The following MRC1 variants were observed in gnomAD, a reference collection of about 807,000 sequenced individuals.
MRC1 encodes the protein macrophage mannose receptor 1.
A neutral mutation model predicts 102.9 loss-of-function variants in MRC1; 62 were observed. The ratio of observed to expected loss-of-function variants is 0.60; its 90% CI spans 0.49 to 0.74. The LOEUF is 0.74. Ranked by LOEUF, MRC1 falls within the 30% of genes least tolerant of loss-of-function variation. The probability of loss-of-function intolerance (pLI) is 0.00; values close to 1 mark genes in which losing one functional copy is unlikely to be tolerated. For synonymous variants in MRC1, 457 were observed against 298.4 expected, an observed-to-expected ratio of 1.53 and a Z score of -5.48; for missense variants, 1,237 against 862.8, an observed-to-expected ratio of 1.43 and a Z score of -5.43.
In MRC1 at chr10:17,898,021, T is replaced by C. The variant is rs1360998810; in HGVS notation, c.3251-13T>C. The C allele has an allele frequency of 2.6e-6, 2 of 780,840 alleles. No homozygotes were observed. The highest frequency in any genetic ancestry group is 4.8e-6 in the Non-Finnish European group (2 of 417,928). 48.4% of individuals were successfully genotyped at this position (780,840 alleles called of 1,614,324 possible). ...TTATTGATAATGCTAATGAAAATAATGTTTTTATCTAGACCCTTCCTTGAC... is the reference window on the plus strand; with the variant it reads ...TTATTGATAATGCTAATGAAAATAACGTTTTTATCTAGACCCTTCCTTGAC... On this transcript the variant is annotated splice_polypyrimidine_tract_variant and intron_variant, in intron 23 of 29. Coordinates refer to ENST00000569591, the MANE Select transcript of MRC1 (RefSeq NM_002438.4).
intron 7 of MRC1, among the ~76,000 whole-genome samples, chr10:17,852,638 GAT>G (rs1838933822): frequency 6.6e-6 from 1 of 152,184 alleles, no homozygotes; most frequent in Non-Finnish European, 1.5e-5. Context: ...AGCTTCATAA[GAT>G]AGAGCATAGT....
intron 1 of MRC1, among the ~76,000 whole-genome samples, chr10:17,817,548 G>C (rs1316051304): frequency 2.6e-5 from 4 of 152,072 alleles, no homozygotes; most frequent in Non-Finnish European, 5.9e-5. Flanking sequence ...CTGGCGTGTG[G>C]TCATTGTTTG....
At chr10:17,864,063 C>T (rs1035896998) in intron 11 of MRC1, among the ~76,000 whole-genome samples, 4,275 of 151,952 alleles carry the variant, frequency 0.028, 118 homozygotes, top group African/African-American at 0.07. Flanking sequence ...AGTGCAGTGG[C>T]GCCATCTTGG....
intron 21 of MRC1, among the ~76,000 whole-genome samples, chr10:17,884,979 G>A (rs1003594761): frequency 2.0e-5 from 3 of 152,262 alleles, no homozygotes; most frequent in Non-Finnish European, 4.4e-5. Context: ...CCACGACCCA[G>A]ATAGGGGCGC....
intron 3 of MRC1, among the ~76,000 whole-genome samples, chr10:17,828,055 C>T (rs1838508354): frequency 1.3e-5 from 2 of 152,084 alleles, no homozygotes; most frequent in Admixed American, 1.3e-4. Context: ...CCCAACATTC[C>T]CTCCATCAAG....
chr10:17,849,224 C>A (rs983525089), intron 6 of MRC1, among the ~76,000 whole-genome samples: 19 of 151,370 alleles, frequency 1.3e-4, no homozygotes, highest in African/African-American at 4.4e-4. Flanking sequence ...ACTGCTTGAG[C>A]CCAGGAGGTT....
chr10:17,846,431 T>C (rs1391821620), intron 6 of MRC1, among the ~76,000 whole-genome samples: 1 of 152,214 alleles, frequency 6.6e-6, no homozygotes, highest in Non-Finnish European at 1.5e-5. Flanking sequence ...AAACTGACAA[T>C]GTGGCATTCT....
At position 17,866,694 on chromosome 10, in the gene MRC1, C is replaced by G. The variant is rs993316960; in HGVS notation, c.1916C>G (p.Thr639Arg). The G allele has an allele frequency of 2.6e-6, 2 of 780,686 alleles. No individual in the cohort carries two copies. The highest frequency in any genetic ancestry group is 3.4e-5 in the Admixed American group (2 of 59,016). 48.4% of individuals were successfully genotyped at this position (780,686 alleles called of 1,614,324 possible). Residue 639 changes from threonine (T) to arginine (R), a missense_variant, in exon 12 of 30, where the codon ACG (threonine) becomes AGG (arginine). By Grantham distance (71) the Thr-to-Arg change is moderately conservative. Transcript: ENST00000569591. ...GGAGTAACCCACCCACCGAAGCCCA[C>G]GACGACTCCCGAACCCAAATGTCCG... is the stretch of plus-strand genomic sequence containing the variant. ...AEGVTHPPKP[T>R]TTPEPKCPED...
intron 15 of MRC1, among the ~76,000 whole-genome samples, chr10:17,873,417 T>C (rs1554841942): frequency 1.3e-5 from 2 of 152,200 alleles, no homozygotes; most frequent in Non-Finnish European, 1.5e-5. Context: ...TTTGGTTTAG[T>C]TGACAAAATT....
chr10:17,868,529 A>G (rs919995123), intron 12 of MRC1, among the ~76,000 whole-genome samples: 33 of 152,282 alleles, frequency 2.2e-4, no homozygotes, highest in Admixed American at 2.0e-3. Context: ...GGGGATTACA[A>G]TTTGAGATGA....
At chr10:17,881,235 C>T in intron 21 of MRC1, 54 bp downstream of exon 21, 1 of 761,918 alleles carries the variant, frequency 1.3e-6, no homozygotes, top group Middle Eastern at 2.4e-4. Context: ...ATTCTGACTG[C>T]AAAATGGTAA....
intron 18 of MRC1, 88 bp downstream of exon 18, chr10:17,878,055 T>C (rs2130686657): frequency 2.5e-6 from 2 of 798,146 alleles, no homozygotes; most frequent in Admixed American, 1.9e-5. Context: ...CTTTGTGGAA[T>C]GCATTTTTAA....
At position 17,873,788 on chromosome 10, in the gene MRC1, A is replaced by C; in HGVS notation, c.2349A>C (p.Gln783His). 1.1e-6 allele frequency: 1 copy of C among 872,632 alleles called. No homozygotes were observed. The highest frequency in any genetic ancestry group is 2.0e-6 in the Non-Finnish European group (1 of 501,408). The allele number at this position is 872,632 out of a possible 1,614,324, so 54.1% of individuals were successfully genotyped here. ...NNWICQIQKGQTPKPEPTPAP... is the reference protein window; with the variant it reads ...NNWICQIQKGHTPKPEPTPAP... ...TATTTTTCTCTTGTTTTACAGGACA[A>C]ACACCAAAACCTGAGCCAACACCAG... is the stretch of plus-strand genomic sequence containing the variant. Residue 783 changes from glutamine (Q) to histidine (H), a missense_variant, in exon 16 of 30, where the codon CAA becomes CAC. Gln to His is a conservative substitution (Grantham distance 24, BLOSUM62 0). Coordinates refer to ENST00000569591, the MANE Select transcript of MRC1 (RefSeq NM_002438.4).
chr10:17,833,303 T>C (rs1838607549), intron 3 of MRC1, among the ~76,000 whole-genome samples: 1 of 151,982 alleles, frequency 6.6e-6, no homozygotes, highest in Non-Finnish European at 1.5e-5. Flanking sequence ...GGAGAATGGC[T>C]TGAGAACAGG....
intron 21 of MRC1, among the ~76,000 whole-genome samples, chr10:17,883,661 C>A (rs1179661735): frequency 2.0e-5 from 3 of 152,012 alleles, no homozygotes; most frequent in Admixed American, 6.6e-5. Flanking sequence ...TATAAGTAAC[C>A]CTGGATGCTT....
chr10:17,854,624 T>G (rs2130650079), intron 8 of MRC1: 1 of 157,048 alleles, frequency 6.4e-6, no homozygotes, highest in Non-Finnish European at 1.4e-5. Context: ...CGTGTCAGAT[T>G]GCACTGGGCT....
intron 8 of MRC1, among the ~76,000 whole-genome samples, chr10:17,855,571 CAAAAA>C (rs35692453): frequency 1.7e-4 from 7 of 42,096 alleles, no homozygotes; most frequent in Non-Finnish European, 2.2e-4. Context: ...GACTCCGTCT[CAAAAA>C]AAAAAAAAAA....
chr10:17,898,619 A>G (rs2130714750), intron 24 of MRC1, among the ~76,000 whole-genome samples: 1 of 152,376 alleles, frequency 6.6e-6, no homozygotes, highest in African/African-American at 2.4e-5. Context: ...AAAGCAGGTT[A>G]GGGACATAGT....
chr10:17,833,766 G>C lies in MRC1; in HGVS notation c.729G>C (p.Ala243=). The C allele has an allele frequency of 1.3e-6, 1 of 781,056 alleles. No homozygotes were observed. The highest frequency in any genetic ancestry group is 2.4e-6 in the Non-Finnish European group (1 of 418,130). The allele number at this position is 781,056 out of a possible 1,614,324, so 48.4% of individuals were successfully genotyped here. ...AATCCGCTTTAACGTGGCACCAGGC[G>C]AGGAAAAGCTGCCAACAACAGAACG... ...NSKSALTWHQ[A]RKSCQQQNAE... is the part of the protein sequence containing the mutation. Residue 243 remains alanine (A), a synonymous_variant, in exon 4 of 30, where the codon GCG becomes GCC. Transcript: ENST00000569591.
Sources: gnomAD v4.1 joint callset for allele counts (sites outside exome capture counted in the v4.1 genomes callset) on GRCh38, gnomAD v4.1.1 for gene constraint, MANE v1.5 for transcripts, NCBI Gene and HGNC (gene_info 2026-07-23, HGNC 2026-07-21) for gene names.